Variants in CSMD1 observed in about 807,000 individuals in gnomAD.
The protein encoded by CSMD1 is CUB and Sushi multiple domains 1.
In CSMD1, 213 loss-of-function variants were observed where a neutral mutation model predicts 417.5. That is an observed-to-expected ratio of 0.51 (90% CI 0.46 to 0.57). The LOEUF (loss-of-function observed/expected upper bound fraction) is 0.57, where lower values mean the gene tolerates loss of function less well. Ranked by LOEUF, CSMD1 falls within the 20% of genes least tolerant of loss-of-function variation. The pLI is 0.00. For missense variants in CSMD1, 6,923 were observed against 4,529.7 expected (o/e 1.53, Z -15.17); for synonymous variants, 2,862 against 1,736.8 (o/e 1.65, Z -16.11).
intron 3 of CSMD1, among the ~76,000 whole-genome samples, chr8:4,405,452 C>T (rs1039883595): frequency 4.6e-5 from 7 of 151,884 alleles, no homozygotes; most frequent in South Asian, 2.1e-4. Context: ...AAGATTTTAA[C>T]GCCCATCTAT....
intron 29 of CSMD1, among the ~76,000 whole-genome samples, chr8:3,216,747 G>A (rs1797905045): frequency 6.6e-6 from 1 of 152,208 alleles, no homozygotes; most frequent in African/African-American, 2.4e-5. Context: ...TTCCACTTAT[G>A]CATACCTTTG....
chr8:4,047,425 A>T (rs2554555), intron 3 of CSMD1, among the ~76,000 whole-genome samples: 1 of 152,174 alleles, frequency 6.6e-6, no homozygotes, highest in Admixed American at 6.5e-5. Context: ...AATTGAAATT[A>T]AAATGGCATT....
At position 4,756,981 on chromosome 8, in the gene CSMD1, G is replaced by C. The variant is rs183724449; in HGVS notation, c.86-119423C>G. Among the ~76,000 whole-genome samples the C allele has an allele frequency of 9.2e-5, 14 of 152,366 alleles. No homozygotes were observed. The East Asian group carries it at 1.9e-3, about 21-fold the overall frequency. On this transcript the variant is annotated intron_variant, in intron 1 of 69. Coordinates refer to ENST00000635120, the MANE Select transcript of CSMD1 (RefSeq NM_033225.6). Reference sequence around the variant, plus strand: ...AAACACATAAGCTGGTGAGGAAAGAGTGCAGATATAGAATATATTTAGATT... The same window carrying C: ...AAACACATAAGCTGGTGAGGAAAGACTGCAGATATAGAATATATTTAGATT...
At chr8:4,384,913 C>T (rs1803346456) in intron 3 of CSMD1, among the ~76,000 whole-genome samples, 1 of 152,174 alleles carries the variant, frequency 6.6e-6, no homozygotes, top group Non-Finnish European at 1.5e-5. Flanking sequence ...GGCTGGATGG[C>T]TTCCAGATCA....
At chr8:4,327,514 G>C (rs146009168) in intron 3 of CSMD1, among the ~76,000 whole-genome samples, 45 of 152,290 alleles carry the variant, frequency 3.0e-4, no homozygotes, top group Non-Finnish European at 5.6e-4. Flanking sequence ...CTTTCTTGCA[G>C]TGTGATGTGT....
At chr8:4,944,080 G>A (rs1779649509) in intron 1 of CSMD1, among the ~76,000 whole-genome samples, 1 of 152,162 alleles carries the variant, frequency 6.6e-6, no homozygotes, top group Non-Finnish European at 1.5e-5. Context: ...TAGACAGGAG[G>A]AAGTTTGGAG....
chr8:3,637,349 T>C (rs1797102388), intron 7 of CSMD1, among the ~76,000 whole-genome samples: 2 of 152,294 alleles, frequency 1.3e-5, no homozygotes, highest in Admixed American at 1.3e-4. Context: ...ATGTGGATTC[T>C]TATGAGTTTG....
At chr8:4,460,916 T>C (rs1186515739) in intron 2 of CSMD1, among the ~76,000 whole-genome samples, 2 of 152,170 alleles carry the variant, frequency 1.3e-5, no homozygotes, top group African/African-American at 2.4e-5. Context: ...TTCCAACTTA[T>C]TTTATAAGGT....
chr8:4,531,455 C>A lies in CSMD1; in HGVS notation c.302+105887G>T, dbSNP rs1415687250. ...TTTCGGTGAGTAATTTGGTTACTGA[C>A]AATATCTATGTGGCTTTGTTTTTGT... On this transcript the variant is annotated intron_variant, in intron 2 of 69. Transcript: ENST00000635120. Among the ~76,000 whole-genome samples, 6 of 152,232 alleles carry A rather than the reference C, an allele frequency of 3.9e-5. No individual in the cohort carries two copies. The East Asian group carries it at 9.7e-4, about 24-fold the overall frequency.
At chr8:3,849,466 T>G (rs1272084313) in intron 5 of CSMD1, among the ~76,000 whole-genome samples, 1 of 152,168 alleles carries the variant, frequency 6.6e-6, no homozygotes, top group Non-Finnish European at 1.5e-5. Context: ...TTACTCCTTT[T>G]AGTTACATCT....
chr8:3,806,032 C>G (rs1249778264), intron 5 of CSMD1, among the ~76,000 whole-genome samples: 1 of 152,158 alleles, frequency 6.6e-6, no homozygotes, highest in Non-Finnish European at 1.5e-5. Context: ...CTTCATTGCA[C>G]ATTAACTTCT....
chr8:3,719,761 C>T (rs1220801617), intron 6 of CSMD1, among the ~76,000 whole-genome samples: 2 of 152,134 alleles, frequency 1.3e-5, no homozygotes, highest in African/African-American at 4.8e-5. Context: ...TCCATTCCTC[C>T]TGTGTGGAAG....
intron 1 of CSMD1, among the ~76,000 whole-genome samples, chr8:4,674,412 A>C (rs909658854): frequency 1.1e-4 from 17 of 152,148 alleles, no homozygotes; most frequent in African/African-American, 3.9e-4. Flanking sequence ...AGGCAAGTGG[A>C]AACAGGTAGG....
At chr8:4,446,098 G>C (rs541190405) in intron 2 of CSMD1, among the ~76,000 whole-genome samples, 1 of 152,314 alleles carries the variant, frequency 6.6e-6, no homozygotes, top group East Asian at 1.9e-4. Flanking sequence ...GTTCACTGTA[G>C]ACAGCAAGTT....
intron 5 of CSMD1, among the ~76,000 whole-genome samples, chr8:3,855,021 A>G (rs1174068678): frequency 1.3e-5 from 2 of 152,188 alleles, no homozygotes; most frequent in African/African-American, 4.8e-5. Flanking sequence ...ATTCGGAAAT[A>G]AACACAAAAA....
chr8:4,683,972 C>G (rs952291704), intron 1 of CSMD1, among the ~76,000 whole-genome samples: 3 of 152,150 alleles, frequency 2.0e-5, no homozygotes, highest in Non-Finnish European at 4.4e-5. Flanking sequence ...ACAGTGAAAT[C>G]TGAGAAAATA....
chr8:3,681,998 G>C (rs3116143), intron 7 of CSMD1, among the ~76,000 whole-genome samples: 146,109 of 152,320 alleles, frequency 0.96, 70,154 homozygotes, highest in East Asian at 1. Flanking sequence ...ATGTAGAAAG[G>C]TGAAACTGGA....
At chr8:4,987,689 T>C (rs1022992094) in intron 1 of CSMD1, among the ~76,000 whole-genome samples, 19 of 152,156 alleles carry the variant, frequency 1.2e-4, no homozygotes, top group African/African-American at 4.3e-4. Context: ...TATGAGGATG[T>C]TGCCAAAAAA....
chr8:3,932,399 T>C (rs2954606), intron 5 of CSMD1, among the ~76,000 whole-genome samples: 54,896 of 149,970 alleles, frequency 0.37, 12,406 homozygotes, highest in Admixed American at 0.45. Flanking sequence ...CTGCAACATA[T>C]GCCATCTGCA....
Sources: allele counts gnomAD v4.1 joint callset (sites outside exome capture counted in the v4.1 genomes callset), GRCh38; gene constraint gnomAD v4.1.1; transcripts MANE v1.5; gene names NCBI Gene and HGNC (gene_info 2026-07-23, HGNC 2026-07-21).